MICU2: variants seen among roughly 807,000 people sequenced by gnomAD.
MICU2 encodes calcium uptake protein 2, mitochondrial.
In MICU2, 64 loss-of-function variants were observed where a neutral mutation model predicts 60.4. The ratio of observed to expected loss-of-function variants is 1.06; its 90% CI spans 0.87 to 1.31. The LOEUF (loss-of-function observed/expected upper bound fraction) is 1.31. Ranked by LOEUF, MICU2 falls within the 50% of genes most tolerant of loss-of-function variation. MICU2 has a pLI of 0.00. For missense variants in MICU2, 569 were observed against 531.0 expected (o/e 1.07, Z -0.70); for synonymous variants, 201 against 175.0 (o/e 1.15, Z -1.17).
At chr13:21,528,929 T>C (rs1381420946) in intron 4 of MICU2, among the ~76,000 whole-genome samples, 1 of 151,860 alleles carries the variant, frequency 6.6e-6, no homozygotes, top group Non-Finnish European at 1.5e-5. Context: ...AGAGAGAGAA[T>C]GGCACAGGCA....
chr13:21,527,179 A>C (rs1357384945), intron 4 of MICU2, among the ~76,000 whole-genome samples: 1 of 152,212 alleles, frequency 6.6e-6, no homozygotes, highest in Non-Finnish European at 1.5e-5. Context: ...AAGGGAGAAT[A>C]AATTAAATGT....
chr13:21,541,296 G>A (rs762641056), intron 2 of MICU2, among the ~76,000 whole-genome samples: 2 of 152,002 alleles, frequency 1.3e-5, no homozygotes, highest in African/African-American at 2.4e-5. Context: ...AGTAAAGAAG[G>A]TAATGTTTGC....
At chr13:21,578,471 C>A (rs559499565) in intron 1 of MICU2, among the ~76,000 whole-genome samples, 1 of 152,198 alleles carries the variant, frequency 6.6e-6, no homozygotes, top group Non-Finnish European at 1.5e-5. Context: ...TGTCCATGGT[C>A]CCAGCTACTC....
intron 8 of MICU2, among the ~76,000 whole-genome samples, chr13:21,508,688 C>T (rs752301137): frequency 7.9e-5 from 12 of 152,166 alleles, no homozygotes; most frequent in Non-Finnish European, 1.5e-4. Flanking sequence ...CTTCTAATTC[C>T]CTTTACAAAC....
Position 21,503,108 on chromosome 13 carries a change from A to C in MICU2, c.762-11T>G. On this transcript the variant is annotated splice_polypyrimidine_tract_variant and intron_variant, in intron 8 of 11. Coordinates refer to ENST00000382374, the MANE Select transcript of MICU2 (RefSeq NM_152726.3). ...AAATTTTCCATAAATCTGAATGTTA[A>C]AATACAAAATTAGTAAGGTAACTAG... is the stretch of plus-strand genomic sequence containing the variant. 1 of 1,573,090 alleles carries C rather than the reference A, an allele frequency of 6.4e-7. No individual in the cohort carries two copies. The highest frequency in any genetic ancestry group is 8.6e-7 in the Non-Finnish European group (1 of 1,157,552).
intron 7 of MICU2, among the ~76,000 whole-genome samples, chr13:21,513,290 T>C (rs141281910): frequency 1.1e-3 from 164 of 152,164 alleles, no homozygotes; most frequent in African/African-American, 3.8e-3. Flanking sequence ...TGAACAAGAG[T>C]AGCAAGAATG....
rs1887217904 is a variant in MICU2 at position 21,539,346 on chromosome 13, G to A, written c.422C>T (p.Thr141Ile). The change falls in exon 4 of 12, where the codon ACA (threonine) becomes ATA (isoleucine). Residue 141 changes from threonine to isoleucine, a missense_variant. Coordinates refer to ENST00000382374, the MANE Select transcript of MICU2 (RefSeq NM_152726.3). ...DIEDTLSGIQ[T>I]AGCGSTFFRD... ...GAAAAAAGTTGATCCACAGCCAGCT[G>A]TTTGGATCCCTGACAGTGTATCCTC... is the stretch of plus-strand genomic sequence containing the variant. 1.2e-6 allele frequency: 2 copies of A among 1,614,032 alleles called. No homozygotes were observed. The highest frequency in any genetic ancestry group is 1.7e-6 in the Non-Finnish European group (2 of 1,179,976).
intron 2 of MICU2, among the ~76,000 whole-genome samples, chr13:21,553,654 T>C (rs930681804): frequency 1.3e-5 from 2 of 152,152 alleles, no homozygotes; most frequent in African/African-American, 2.4e-5. Context: ...GCTAACATCA[T>C]AATGACAGGA....
chr13:21,545,475 G>T (rs555950170), intron 2 of MICU2, among the ~76,000 whole-genome samples: 1 of 152,336 alleles, frequency 6.6e-6, no homozygotes, highest in South Asian at 2.1e-4. Context: ...GAGGTTAGGA[G>T]TTCGAGACCA....
At chr13:21,537,454 A>G (rs1444378137) in intron 4 of MICU2, among the ~76,000 whole-genome samples, 3 of 141,586 alleles carry the variant, frequency 2.1e-5, no homozygotes, top group African/African-American at 5.2e-5. Flanking sequence ...ACTATATCCA[A>G]CATTTTCTTT....
chr13:21,501,595 T>C (rs902031568), intron 9 of MICU2, among the ~76,000 whole-genome samples: 7 of 152,206 alleles, frequency 4.6e-5, no homozygotes, highest in Non-Finnish European at 8.8e-5. Context: ...AATTCAATGG[T>C]ATTTTTATTG....
At position 21,603,960 on chromosome 13, in the gene MICU2, G is replaced by A. The variant is rs368261734; in HGVS notation, c.189C>T (p.Gly63=). ...HSRVSVAARD[G]SFTVSAQKNV... ...GTACCTGTGCGGAGACTGTAAAACT[G>A]CCATCCCGCGCCGCAACACTGACGC... Residue 63 remains glycine (G), a synonymous_variant, in exon 1 of 12, where the codon GGC becomes GGT. Coordinates refer to ENST00000382374, the MANE Select transcript of MICU2 (RefSeq NM_152726.3). The A allele has an allele frequency of 3.7e-6, 6 of 1,612,508 alleles. No homozygotes were observed. The Admixed American group carries it at 8.3e-5, about 22-fold the overall frequency.
chr13:21,553,114 G>C (rs1042650461), intron 2 of MICU2, among the ~76,000 whole-genome samples: 1 of 152,122 alleles, frequency 6.6e-6, no homozygotes. Context: ...ATTGAGCAGT[G>C]GTTTGTAGTT....
Position 21,566,967 on chromosome 13 carries a change from T to C in MICU2, c.211-23A>G, listed in dbSNP as rs199551748. The C allele has an allele frequency of 4.4e-5, 69 of 1,580,652 alleles. No individual in the cohort carries two copies. In the African/African-American group the frequency reaches 6.7e-4, roughly 15 times the overall value. On this transcript the variant is annotated intron_variant, in intron 1 of 11. Coordinates refer to ENST00000382374, the MANE Select transcript of MICU2 (RefSeq NM_152726.3). Reference sequence around the variant, plus strand: ...TTTCTAAAAGAAAAATAAATTGCAATTGAAGATTTTTTCAGTGTTATTCCC... The same window carrying C: ...TTTCTAAAAGAAAAATAAATTGCAACTGAAGATTTTTTCAGTGTTATTCCC...
chr13:21,549,452 C>T (rs1445588702), intron 2 of MICU2, among the ~76,000 whole-genome samples: 1 of 152,056 alleles, frequency 6.6e-6, no homozygotes. Context: ...ATTTCAAAGT[C>T]CAAGATAAAT....
At chr13:21,547,035 A>G (rs774179343) in intron 2 of MICU2, among the ~76,000 whole-genome samples, 41 of 152,174 alleles carry the variant, frequency 2.7e-4, no homozygotes, top group Admixed American at 2.0e-4. Flanking sequence ...TGTTGAAGAC[A>G]AGCAGTGAAA....
chr13:21,597,714 G>T (rs1888724731), intron 1 of MICU2, among the ~76,000 whole-genome samples: 1 of 152,012 alleles, frequency 6.6e-6, no homozygotes, highest in East Asian at 1.9e-4. Flanking sequence ...GGTGGATCAC[G>T]AGGTCAGGAG....
rs755959055 is a variant in MICU2, at chr13:21,604,111, G to C, written c.38C>G (p.Ala13Gly). The C allele has an allele frequency of 1.1e-5, 18 of 1,580,454 alleles. No individual in the cohort carries two copies. The highest frequency in any genetic ancestry group is 1.5e-5 in the Non-Finnish European group (18 of 1,165,430). The change falls in exon 1 of 12, where the codon GCC becomes GGC. Residue 13 changes from alanine to glycine, a missense_variant. Transcript: ENST00000382374. ...CCCCCGTCGCAGTTTTCCGCCCCAG[G>C]CCGCCACCCGCGCGCAGCTACCCGC... Reference protein sequence around the residue: ...AAAGSCARVAAWGGKLRRGLA... With the variant: ...AAAGSCARVAGWGGKLRRGLA...
chr13:21,543,754 T>C (rs775791877), intron 2 of MICU2, among the ~76,000 whole-genome samples: 3 of 152,036 alleles, frequency 2.0e-5, no homozygotes, highest in Non-Finnish European at 4.4e-5. Context: ...AAGTGATCTA[T>C]AGATCCAATG....
Sources: gnomAD v4.1 joint callset for allele counts (sites outside exome capture counted in the v4.1 genomes callset) on GRCh38, gnomAD v4.1.1 for gene constraint, MANE v1.5 for transcripts, NCBI Gene and HGNC (gene_info 2026-07-23, HGNC 2026-07-21) for gene names.